Variants in IL23R observed in about 807,000 individuals in gnomAD.
IL23R encodes the protein interleukin-23 receptor.
IL23R carries 34 observed loss-of-function variants against 56.9 expected under a neutral mutation model. The observed-to-expected ratio is 0.60, with a 90% confidence interval of 0.45 to 0.80. The LOEUF is 0.80. Ranked by LOEUF, IL23R falls within the 30% of genes least tolerant of loss-of-function variation. IL23R has a pLI of 0.00. For synonymous variants in IL23R, 230 were observed against 249.2 expected (o/e 0.92, Z 0.73); for missense variants, 635 against 730.0 (o/e 0.87, Z 1.50).
intron 8 of IL23R, among the ~76,000 whole-genome samples, chr1:67,239,763 A>G (rs1162089186): frequency 2.0e-5 from 3 of 152,212 alleles, no homozygotes; most frequent in Non-Finnish European, 4.4e-5. Context: ...AATTGCACAC[A>G]TTCTATCTCA....
At chr1:67,218,352 GTGTGTGTA>G (rs1650004706) in intron 6 of IL23R, among the ~76,000 whole-genome samples, 1 of 100,370 alleles carries the variant, frequency 1.0e-5, no homozygotes, top group Non-Finnish European at 2.2e-5. Flanking sequence ...GTGTGTGTGT[GTGTGTGTA>G]TATATATATA....
At chr1:67,190,065 C>A (rs774593519) in intron 4 of IL23R, among the ~76,000 whole-genome samples, 2 of 152,132 alleles carry the variant, frequency 1.3e-5, no homozygotes, top group Non-Finnish European at 2.9e-5. Context: ...CTCTTCTAAA[C>A]GTTCAGTTAT....
At chr1:67,232,230 A>G (rs571341886) in intron 7 of IL23R, among the ~76,000 whole-genome samples, 1 of 152,210 alleles carries the variant, frequency 6.6e-6, no homozygotes, top group African/African-American at 2.4e-5. Flanking sequence ...TGTGTAATAA[A>G]GGAAAGTAGT....
intron 7 of IL23R, among the ~76,000 whole-genome samples, chr1:67,228,151 TTTCCTTCC>T (rs71062406): frequency 0.012 from 669 of 58,100 alleles, 58 homozygotes; most frequent in African/African-American, 0.042. Context: ...TGTCTTTCTT[TTTCCTTCC>T]TTCCTTCCTT....
chr1:67,183,071 AT>A, intron 4 of IL23R, 112 bp downstream of exon 4: 1 of 1,194,186 alleles, frequency 8.4e-7, no homozygotes. Context: ...ATATACCCTG[AT>A]TTATCCCTTA....
At chr1:67,215,663 C>G (rs890903120) in intron 6 of IL23R, among the ~76,000 whole-genome samples, 1 of 152,202 alleles carries the variant, frequency 6.6e-6, no homozygotes, top group Non-Finnish European at 1.5e-5. Context: ...CTCAAAATGT[C>G]ATCAAGGCTC....
chr1:67,184,213 C>T (rs1417868286), intron 4 of IL23R, among the ~76,000 whole-genome samples: 3 of 151,298 alleles, frequency 2.0e-5, no homozygotes, highest in Admixed American at 6.6e-5. Context: ...CCAGCCTGGG[C>T]GAAAGAGCGA....
chr1:67,251,539 T>C (rs1396803183), intron 9 of IL23R, among the ~76,000 whole-genome samples: 1 of 151,982 alleles, frequency 6.6e-6, no homozygotes, highest in Non-Finnish European at 1.5e-5. Context: ...GACTCTTAAC[T>C]ATAGTGCTCT....
intron 7 of IL23R, among the ~76,000 whole-genome samples, chr1:67,235,447 G>GTCAC (rs1651411692): frequency 6.7e-6 from 1 of 150,374 alleles, no homozygotes; most frequent in Non-Finnish European, 1.5e-5. Context: ...AGGCCGGAGT[G>GTCAC]CTATGGCACG....
At chr1:67,255,811 T>C (rs780943951) in intron 9 of IL23R, 26 bp from the exon 10 acceptor site, 2 of 1,135,884 alleles carry the variant, frequency 1.8e-6, no homozygotes, top group Non-Finnish European at 2.7e-6. Flanking sequence ...GCCTGCTTCT[T>C]CTAACGTGTC....
chr1:67,174,253 C>T (rs911278298), intron 3 of IL23R, among the ~76,000 whole-genome samples: 3 of 151,224 alleles, frequency 2.0e-5, no homozygotes, highest in African/African-American at 7.4e-5. Context: ...AAAGGCTGTA[C>T]CAATTTGTAC....
At chr1:67,247,401 T>C (rs1314653840) in intron 9 of IL23R, among the ~76,000 whole-genome samples, 1 of 151,934 alleles carries the variant, frequency 6.6e-6, no homozygotes, top group East Asian at 1.9e-4. Context: ...GCCTCCCAGG[T>C]GCAAGGGATT....
chr1:67,247,604 T>C (rs1362553705), intron 9 of IL23R, among the ~76,000 whole-genome samples: 2 of 152,154 alleles, frequency 1.3e-5, no homozygotes, highest in African/African-American at 2.4e-5. Flanking sequence ...GTGCCCAGCC[T>C]AGTCCATTTA....
intron 8 of IL23R, among the ~76,000 whole-genome samples, chr1:67,238,421 A>T (rs1361250103): frequency 6.6e-6 from 1 of 152,068 alleles, no homozygotes; most frequent in African/African-American, 2.4e-5. Flanking sequence ...TTATCAATCA[A>T]TTGCAAGCCA....
At chr1:67,218,415 A>G (rs369479796) in intron 6 of IL23R, among the ~76,000 whole-genome samples, 20 of 150,864 alleles carry the variant, frequency 1.3e-4, no homozygotes, top group Non-Finnish European at 2.2e-4. Context: ...ATAACCTGCA[A>G]TGAGGACCAA....
intron 8 of IL23R, 78 bp from the exon 9 acceptor site, chr1:67,240,101 A>G (rs1651755227): frequency 1.9e-6 from 2 of 1,034,482 alleles, no homozygotes; most frequent in East Asian, 2.4e-5. Context: ...TGCTTTGAGC[A>G]GAGTAAAGAG....
At chr1:67,263,781 C>T (rs1025496528), downstream of IL23R, among the ~76,000 whole-genome samples, 5 of 151,768 alleles carry the variant, frequency 3.3e-5, no homozygotes, top group East Asian at 9.7e-4. Flanking sequence ...CATGGCGGTG[C>T]CTAACCCAGG....
At chr1:67,148,546 T>C (rs1022064466) in intron 1 of IL23R, among the ~76,000 whole-genome samples, 2 of 152,238 alleles carry the variant, frequency 1.3e-5, no homozygotes, top group African/African-American at 4.8e-5. Flanking sequence ...GCCTCGTGTT[T>C]GAAGGTGGGT....
chr1:67,181,097 C>T (rs1410490457), intron 3 of IL23R, among the ~76,000 whole-genome samples: 1 of 152,120 alleles, frequency 6.6e-6, no homozygotes, highest in Admixed American at 6.6e-5. Flanking sequence ...AATCATGTGT[C>T]TTGGAGTTGG....
Sources: allele counts gnomAD v4.1 joint callset (sites outside exome capture counted in the v4.1 genomes callset), GRCh38; gene constraint gnomAD v4.1.1; transcripts MANE v1.5; gene names NCBI Gene and HGNC (gene_info 2026-07-23, HGNC 2026-07-21).